PKHD1: variants seen among roughly 807,000 people sequenced by gnomAD.
PKHD1 encodes the protein fibrocystin.
A neutral mutation model predicts 412.0 loss-of-function variants in PKHD1; 291 were observed. That is an observed-to-expected ratio of 0.71 (90% confidence interval 0.64 to 0.78). PKHD1 has a LOEUF of 0.78. Ranked by LOEUF, PKHD1 falls within the 30% of genes least tolerant of loss-of-function variation. The pLI is 0.00. For missense variants in PKHD1, 4,825 were observed against 4,950.7 expected (o/e 0.97, Z 0.76); for synonymous variants, 1,777 against 1,821.5 (o/e 0.98, Z 0.62).
chr6:51,647,939 C>T (rs1052348363), intron 63 of PKHD1, 92 bp downstream of exon 63: 17 of 802,176 alleles, frequency 2.1e-5, no homozygotes, highest in Admixed American at 1.4e-4. Context: ...TTCAGTATTA[C>T]CAATTTTGCT....
chr6:52,062,663 G>A lies in PKHD1; in HGVS notation c.977-3C>T, dbSNP rs771680161. On this transcript the variant is annotated splice_polypyrimidine_tract_variant and splice_region_variant and intron_variant, in intron 13 of 66. Coordinates refer to ENST00000371117, the MANE Select transcript of PKHD1 (RefSeq NM_138694.4). The stretch of plus-strand genomic sequence containing the variant: ...TTCAAAAAGAAGCCCTCGATTGCCT[G>A]TAAGACATGTAGATCGCATAAACAT... 1.2e-6 allele frequency: 2 copies of A among 1,613,928 alleles called. No homozygotes were observed. The highest frequency in any genetic ancestry group is 2.7e-5 in the African/African-American group (2 of 74,916).
In PKHD1 at chr6:51,627,231, A is replaced by C. The variant is rs188534250; in HGVS notation, c.11666-115T>G. 277 of 930,492 alleles carry C rather than the reference A, an allele frequency of 3.0e-4. 3 individuals carry two copies. The African/African-American group carries it at 3.7e-3, about 12-fold the overall frequency. 57.6% of individuals were successfully genotyped at this position (930,492 alleles called of 1,614,324 possible). ...CCCAAAATTATCATACACATGCAAC[A>C]GAAAGCATATAACATATTCAGAGTT... On this transcript the variant is annotated intron_variant, in intron 65 of 66. Coordinates refer to ENST00000371117, the MANE Select transcript of PKHD1 (RefSeq NM_138694.4).
At chr6:51,985,802 T>A (rs1796135256) in intron 35 of PKHD1, among the ~76,000 whole-genome samples, 1 of 152,134 alleles carries the variant, frequency 6.6e-6, no homozygotes, top group Non-Finnish European at 1.5e-5. Flanking sequence ...AATAGAAAGG[T>A]TTCTTTTTTA....
intron 32 of PKHD1, 150 bp downstream of exon 32, chr6:52,024,424 C>A (rs1395704625): frequency 1.3e-6 from 1 of 753,242 alleles, no homozygotes; most frequent in South Asian, 1.5e-5. Flanking sequence ...CAAAGACAAG[C>A]CTCAGGAAGG....
At chr6:51,653,438 G>C (rs887708822) in intron 61 of PKHD1, among the ~76,000 whole-genome samples, 1 of 152,004 alleles carries the variant, frequency 6.6e-6, no homozygotes, top group South Asian at 2.1e-4. Context: ...AGTAACACTT[G>C]CCAAATCAGT....
chr6:51,688,011 C>T (rs188479447), intron 60 of PKHD1, among the ~76,000 whole-genome samples: 88 of 152,284 alleles, frequency 5.8e-4, no homozygotes, highest in African/African-American at 2.0e-3. Flanking sequence ...AGGGCTGGTA[C>T]TAGGCAATGT....
chr6:51,951,341 A>T (rs140311093), intron 36 of PKHD1, among the ~76,000 whole-genome samples: 1 of 152,250 alleles, frequency 6.6e-6, no homozygotes, highest in East Asian at 1.9e-4. Context: ...GACAAAAAAA[A>T]AATCGTCTTT....
intron 64 of PKHD1, among the ~76,000 whole-genome samples, chr6:51,634,741 A>C (rs1211674306): frequency 6.6e-6 from 1 of 152,202 alleles, no homozygotes; most frequent in East Asian, 1.9e-4. Context: ...CTGTGCAAAT[A>C]CATAAACAAA....
intron 58 of PKHD1, 112 bp downstream of exon 58, chr6:51,747,675 C>A: frequency 1.1e-6 from 1 of 908,914 alleles, no homozygotes; most frequent in Non-Finnish European, 1.8e-6. Context: ...GGTTGGACAG[C>A]AAGCACTAGA....
intron 46 of PKHD1, 130 bp downstream of exon 46, chr6:51,882,963 C>A: frequency 1.3e-6 from 1 of 744,164 alleles, no homozygotes; most frequent in Non-Finnish European, 2.3e-6. Context: ...GGTCTTTTAA[C>A]TTTTACTAAT....
chr6:51,894,780 TTTAA>T (rs750611044), intron 43 of PKHD1, among the ~76,000 whole-genome samples: 10 of 152,198 alleles, frequency 6.6e-5, no homozygotes, highest in Non-Finnish European at 1.5e-4. Flanking sequence ...AATACATTTG[TTTAA>T]TTAATACTAT....
rs993438506 is a variant in PKHD1, at chr6:51,659,758, C to T, written c.10368G>A (p.Val3456=). 6.2e-7 allele frequency: 1 copy of T among 1,613,518 alleles called. No individual in the cohort carries two copies. Among genetic ancestry groups the T allele is most frequent in the African/African-American group, 1.3e-5 (1 of 74,892 alleles). The change falls in exon 61 of 67, where the codon GTG becomes GTA. Residue 3456 remains valine, a synonymous_variant. Transcript: ENST00000371117. ...ANIPCSTSGS[V]STFYSILPIR... Reference sequence around the variant, plus strand: ...TGGGTAAGATAGAATAGAAAGTAGACACTGACCCAGAAGTAGAGCAGGGAA... The same window carrying T: ...TGGGTAAGATAGAATAGAAAGTAGATACTGACCCAGAAGTAGAGCAGGGAA...
chr6:52,008,904 C>T (rs562167743), intron 35 of PKHD1, among the ~76,000 whole-genome samples: 37 of 152,312 alleles, frequency 2.4e-4, no homozygotes, highest in African/African-American at 8.9e-4. Flanking sequence ...CTGCCTCTCC[C>T]TCTTTCACAA....
rs779608760 is a variant in PKHD1 at position 51,903,446 on chromosome 6, C to T, written c.6996+151G>A. 27 of 681,938 alleles carry T rather than the reference C, an allele frequency of 4.0e-5. 1 individual carries two copies. The highest frequency in any genetic ancestry group is 5.9e-5 in the Non-Finnish European group (22 of 370,286). 42.2% of individuals were successfully genotyped at this position (681,938 alleles called of 1,614,324 possible). ...TTTTCAGCTCATCAGCTGTCATTAG[C>T]GTTAGTGCATTTTATGTGTGACCCA... On this transcript the variant is annotated intron_variant, in intron 43 of 66. Coordinates refer to ENST00000371117, the MANE Select transcript of PKHD1 (RefSeq NM_138694.4).
chr6:51,671,318 C>G (rs1356105001), intron 60 of PKHD1, among the ~76,000 whole-genome samples: 1 of 152,220 alleles, frequency 6.6e-6, no homozygotes, highest in South Asian at 2.1e-4. Context: ...TCACTGATAC[C>G]CTGTCTTCCA....
At chr6:51,899,742 A>T (rs190569127) in intron 43 of PKHD1, among the ~76,000 whole-genome samples, 2 of 152,222 alleles carry the variant, frequency 1.3e-5, no homozygotes, top group Non-Finnish European at 2.9e-5. Flanking sequence ...TGTTTACAGA[A>T]GACATGATTG....
At chr6:51,950,553 A>C (rs1790206994) in intron 36 of PKHD1, among the ~76,000 whole-genome samples, 1 of 152,110 alleles carries the variant, frequency 6.6e-6, no homozygotes, top group Non-Finnish European at 1.5e-5. Flanking sequence ...ATGTCTTAAA[A>C]CACAGACTAC....
At chr6:51,901,565 G>C (rs1292478313) in intron 43 of PKHD1, among the ~76,000 whole-genome samples, 2 of 151,834 alleles carry the variant, frequency 1.3e-5, no homozygotes, top group Non-Finnish European at 1.5e-5. Context: ...GATATACCTA[G>C]TGCTAGATGA....
intron 43 of PKHD1, among the ~76,000 whole-genome samples, chr6:51,888,628 T>C (rs369812023): frequency 8.6e-5 from 13 of 151,930 alleles, no homozygotes; most frequent in African/African-American, 3.1e-4. Flanking sequence ...TGTGGATGAT[T>C]TTTCCACAGT....
Sources: allele counts gnomAD v4.1 joint callset (sites outside exome capture counted in the v4.1 genomes callset), GRCh38; gene constraint gnomAD v4.1.1; transcripts MANE v1.5; gene names NCBI Gene and HGNC (gene_info 2026-07-23, HGNC 2026-07-21).